The following CD244 variants were observed in gnomAD, a reference collection of about 807,000 sequenced individuals.
CD244 encodes the protein CD244 molecule, also known as natural killer cell receptor 2B4.
In CD244, 20 loss-of-function variants were observed where a neutral mutation model predicts 45.5. The observed-to-expected ratio is 0.44, with a 90% CI of 0.31 to 0.64. The LOEUF is 0.64. Ranked by LOEUF, CD244 falls within the 30% of genes least tolerant of loss-of-function variation. CD244 has a pLI of 0.08. For synonymous variants in CD244, 185 were observed against 160.5 expected (o/e 1.15, Z -1.15); for missense variants, 407 against 426.9 (o/e 0.95, Z 0.41).
intron 1 of CD244, among the ~76,000 whole-genome samples, chr1:160,849,894 C>T (rs1669861971): frequency 6.6e-6 from 1 of 152,164 alleles, no homozygotes; most frequent in South Asian, 2.1e-4. Flanking sequence ...CACCTGAAAT[C>T]CCAGCTACTC....
intron 6 of CD244, among the ~76,000 whole-genome samples, chr1:160,834,834 C>T (rs1669272679): frequency 6.6e-6 from 1 of 152,232 alleles, no homozygotes; most frequent in African/African-American, 2.4e-5. Context: ...CCTTTGGCAA[C>T]TTGCCTCCCT....
At chr1:160,856,630 C>T (rs955495103) in intron 1 of CD244, among the ~76,000 whole-genome samples, 18 of 152,108 alleles carry the variant, frequency 1.2e-4, no homozygotes, top group African/African-American at 4.1e-4. Context: ...TCCATCTTCC[C>T]TTATAGTTGT....
At chr1:160,834,249 C>A in intron 6 of CD244, 133 bp from the exon 7 acceptor site, 1 of 665,118 alleles carries the variant, frequency 1.5e-6, no homozygotes, top group Non-Finnish European at 2.7e-6. Flanking sequence ...GAGCCCTGGA[C>A]TAGCCAGGAG....
Position 160,831,284 on chromosome 1 carries a change from T to C in CD244, c.*63A>G. Reference sequence around the variant, plus strand: ...TTCTATAGAGACTCCTGTGCCGTCATCCACTGTGCCAATTCCCAAAGCAGA... The same window carrying C: ...TTCTATAGAGACTCCTGTGCCGTCACCCACTGTGCCAATTCCCAAAGCAGA... On this transcript the variant is annotated 3_prime_UTR_variant, in exon 9 of 9. Coordinates refer to ENST00000368034, the MANE Select transcript of CD244 (RefSeq NM_016382.4). The C allele has an allele frequency of 8.5e-7, 1 of 1,178,016 alleles. No homozygotes were observed. The highest frequency in any genetic ancestry group is 1.3e-6 in the Non-Finnish European group (1 of 782,902). The allele number at this position is 1,178,016 out of a possible 1,614,324, so 73.0% of individuals were successfully genotyped here. A position where few individuals can be genotyped will look rare whatever the true frequency, so the allele number is the denominator to read the frequency against.
intron 6 of CD244, among the ~76,000 whole-genome samples, chr1:160,835,870 A>C (rs1669314460): frequency 6.6e-6 from 1 of 152,242 alleles, no homozygotes; most frequent in Admixed American, 6.5e-5. Context: ...AAGGGCCCCA[A>C]GTATTAGAAG....
At position 160,839,003 on chromosome 1, in the gene CD244, TGC is replaced by T; in HGVS notation, c.700_701del (p.Ala234ThrfsTer100). 6.2e-7 allele frequency: 1 copy of T among 1,614,096 alleles called. No individual in the cohort carries two copies. Among genetic ancestry groups the T allele is most frequent in the Non-Finnish European group, 8.5e-7 (1 of 1,179,992 alleles). ...PFLVIIVILS[A>X]LFLGTLACFC... Reference sequence around the variant, plus strand: ...AGCAGGCAAGGGTGCCAAGGAACAGTGCGCTTAGAATCACGATGATCACCAAA... The same window carrying T: ...AGCAGGCAAGGGTGCCAAGGAACAGTGCTTAGAATCACGATGATCACCAAA... On this transcript the variant is annotated frameshift_variant, in exon 4 of 9. Transcript: ENST00000368034. LOFTEE classifies it high-confidence loss of function.
chr1:160,856,731 A>G (rs751593125), intron 1 of CD244, among the ~76,000 whole-genome samples: 1 of 152,198 alleles, frequency 6.6e-6, no homozygotes, highest in Non-Finnish European at 1.5e-5. Context: ...AAAACCTTGC[A>G]TAGTTCTTGG....
Position 160,841,245 on chromosome 1 carries a change from A to G in CD244, c.620T>C (p.Leu207Pro), listed in dbSNP as rs1281190234. 5 of 1,614,090 alleles carry G rather than the reference A, an allele frequency of 3.1e-6. No individual in the cohort carries two copies. The highest frequency in any genetic ancestry group is 4.2e-6 in the Non-Finnish European group (5 of 1,180,032). The change falls in exon 3 of 9, where the codon CTG (leucine) becomes CCG (proline). Residue 207 changes from leucine to proline, a missense_variant. Transcript: ENST00000368034. ...SNPVSWESHT[L>P]NLTQDCQNAH... ...ATTCTGACAGTCCTGAGTGAGATTC[A>G]GGGTGTGGCTTTCCCAGCTAACAGG...
chr1:160,861,504 T>C (rs61803285), intron 1 of CD244, among the ~76,000 whole-genome samples: 38,863 of 152,004 alleles, frequency 0.26, 5,496 homozygotes, highest in East Asian at 0.39. Context: ...GCTCTCCACC[T>C]CCGTGAAGCC....
At chr1:160,832,647 G>C in intron 7 of CD244, 72 bp from the exon 8 acceptor site, 1 of 1,600,060 alleles carries the variant, frequency 6.2e-7, no homozygotes, top group Non-Finnish European at 8.5e-7. Flanking sequence ...GATGTGAGAG[G>C]TCCCAAAAGA....
At chr1:160,848,478 C>T (rs1243249606) in intron 1 of CD244, 1 of 541,198 alleles carries the variant, frequency 1.8e-6, no homozygotes, top group Non-Finnish European at 3.6e-6. Flanking sequence ...AAGAAGATCA[C>T]CATTGCTGAG....
chr1:160,849,180 CTA>C (rs1399877348), intron 1 of CD244, among the ~76,000 whole-genome samples: 7 of 151,802 alleles, frequency 4.6e-5, no homozygotes, highest in Non-Finnish European at 8.8e-5. Context: ...CAGAAGTCTT[CTA>C]TGTTGATGAT....
chr1:160,837,796 C>T (rs1406388379), intron 5 of CD244, among the ~76,000 whole-genome samples: 3 of 152,266 alleles, frequency 2.0e-5, no homozygotes, highest in East Asian at 1.9e-4. Flanking sequence ...CACATCTGCC[C>T]TAAGCGAGAC....
rs771344545 is a variant in CD244 at position 160,862,638 on chromosome 1, G to A, written c.40C>T (p.Leu14Phe). 1.2e-6 allele frequency: 2 copies of A among 1,614,070 alleles called. No individual in the cohort carries two copies. Among genetic ancestry groups the A allele is most frequent in the Non-Finnish European group, 1.7e-6 (2 of 1,179,958 alleles). ...TTACCTTTGCCCTGATACACCTTGA[G>A]GAGCAGGAGGAGTATGAGGGTGACC... is the stretch of plus-strand genomic sequence containing the variant. ...QVVTLILLLL[L>F]KVYQGKGCQG... is the part of the protein sequence containing the mutation. The change falls in exon 1 of 9, where the codon CTC (leucine) becomes TTC (phenylalanine). Residue 14 changes from leucine (L) to phenylalanine (F), a missense_variant. By Grantham distance (22) the Leu-to-Phe change is conservative (BLOSUM62 0). Coordinates refer to ENST00000368034, the MANE Select transcript of CD244 (RefSeq NM_016382.4).
chr1:160,833,136 T>C (rs1021006803), intron 7 of CD244, among the ~76,000 whole-genome samples: 7 of 152,132 alleles, frequency 4.6e-5, no homozygotes, highest in African/African-American at 1.7e-4. Flanking sequence ...TTCAGTAGCA[T>C]ATAGAGTTTA....
Position 160,837,605 on chromosome 1 carries a change from C to T in CD244, c.834+846G>A, listed in dbSNP as rs529391923. On this transcript the variant is annotated intron_variant, in intron 5 of 8. Coordinates refer to ENST00000368034, the MANE Select transcript of CD244 (RefSeq NM_016382.4). ...CTCTGCGAGGCTGCACAGGGCCTCA[C>T]GTATGTGGCCAGCACGGAAGAGCCC... Among the ~76,000 whole-genome samples, 121 of 152,366 alleles carry T rather than the reference C, an allele frequency of 7.9e-4. 3 individuals carry two copies. The South Asian group carries it at 0.021, about 26-fold the overall frequency.
intron 1 of CD244, among the ~76,000 whole-genome samples, chr1:160,846,914 T>A (rs78002225): frequency 0.021 from 3,138 of 152,218 alleles, 117 homozygotes; most frequent in African/African-American, 0.072. Context: ...TGAATTGGCA[T>A]CAATTCAAAC....
chr1:160,857,635 G>A (rs1194888245), intron 1 of CD244, among the ~76,000 whole-genome samples: 1 of 152,234 alleles, frequency 6.6e-6, no homozygotes, highest in Non-Finnish European at 1.5e-5. Context: ...ATGAATGGGA[G>A]AGAACATGTG....
intron 1 of CD244, among the ~76,000 whole-genome samples, chr1:160,861,904 G>A (rs1670324517): frequency 6.6e-6 from 1 of 152,044 alleles, no homozygotes; most frequent in Non-Finnish European, 1.5e-5. Flanking sequence ...ATTAAATGCG[G>A]GATCCAGGTT....
Sources: allele counts gnomAD v4.1 joint callset (sites outside exome capture counted in the v4.1 genomes callset), GRCh38; gene constraint gnomAD v4.1.1; transcripts MANE v1.5; gene names NCBI Gene and HGNC (gene_info 2026-07-23, HGNC 2026-07-21).